WIF1: variants seen among roughly 807,000 people sequenced by gnomAD.
WIF1 encodes the protein Wnt inhibitory factor 1.
WIF1 carries 35 observed loss-of-function variants against 53.5 expected under a neutral mutation model. That is an observed-to-expected ratio of 0.65 (90% CI 0.50 to 0.87). The LOEUF (loss-of-function observed/expected upper bound fraction) is 0.87. Ranked by LOEUF, WIF1 falls within the 40% of genes least tolerant of loss-of-function variation. The pLI is 0.00. For synonymous variants in WIF1, 171 were observed against 170.4 expected (o/e 1.00, Z -0.03); for missense variants, 467 against 476.8 (o/e 0.98, Z 0.19).
At chr12:65,062,650 G>T in intron 6 of WIF1, 74 bp from the exon 7 acceptor site, 1 of 1,385,010 alleles carries the variant, frequency 7.2e-7, no homozygotes, top group East Asian at 2.5e-5. Flanking sequence ...TTAAAGTGAG[G>T]TGCTATTTTT....
intron 2 of WIF1, among the ~76,000 whole-genome samples, chr12:65,114,209 G>GA (rs904059661): frequency 5.2e-4 from 79 of 150,894 alleles, no homozygotes; most frequent in Admixed American, 1.1e-3. Context: ...GGGAGAAAGG[G>GA]AAAAAAAACC....
At chr12:65,057,575 A>G (rs1592386745) in intron 7 of WIF1, among the ~76,000 whole-genome samples, 2 of 140,778 alleles carry the variant, frequency 1.4e-5, no homozygotes, top group South Asian at 5.0e-4. Context: ...GAAGACAGCA[A>G]GTAGCCTGTA....
chr12:65,069,408 C>G (rs1197644341), intron 3 of WIF1, among the ~76,000 whole-genome samples: 2 of 152,086 alleles, frequency 1.3e-5, no homozygotes, highest in Non-Finnish European at 2.9e-5. Flanking sequence ...GAGCAATACC[C>G]CACTGGTTTA....
At chr12:65,113,734 T>C (rs967110110) in intron 2 of WIF1, among the ~76,000 whole-genome samples, 3 of 152,192 alleles carry the variant, frequency 2.0e-5, no homozygotes, top group Admixed American at 6.5e-5. Flanking sequence ...TGATCCCTAG[T>C]GGCATGTCTA....
At chr12:65,088,240 C>T (rs1883070577) in intron 2 of WIF1, among the ~76,000 whole-genome samples, 1 of 152,124 alleles carries the variant, frequency 6.6e-6, no homozygotes, top group Admixed American at 6.5e-5. Context: ...TCATAGTTTT[C>T]CCCCAGGTAT....
At chr12:65,112,645 T>C (rs1438023073) in intron 2 of WIF1, among the ~76,000 whole-genome samples, 3 of 152,206 alleles carry the variant, frequency 2.0e-5, no homozygotes, top group Non-Finnish European at 4.4e-5. Context: ...TGTTTCTATC[T>C]TCTACTTCTT....
chr12:65,113,650 A>G (rs1318890776), intron 2 of WIF1, among the ~76,000 whole-genome samples: 1 of 151,988 alleles, frequency 6.6e-6, no homozygotes, highest in South Asian at 2.1e-4. Flanking sequence ...GCTGTTTTCT[A>G]TCAGCAGATA....
At chr12:65,119,180 T>G (rs1421460605) in intron 2 of WIF1, among the ~76,000 whole-genome samples, 2 of 152,210 alleles carry the variant, frequency 1.3e-5, no homozygotes, top group African/African-American at 4.8e-5. Flanking sequence ...CTTAATTGTT[T>G]ATGAAGTATC....
chr12:65,104,713 T>A (rs920932193), intron 2 of WIF1, among the ~76,000 whole-genome samples: 3 of 152,168 alleles, frequency 2.0e-5, no homozygotes, highest in African/African-American at 7.2e-5. Context: ...CTACTCCTCC[T>A]CCTTCCACCC....
chr12:65,102,378 A>G (rs1296621522), intron 2 of WIF1, among the ~76,000 whole-genome samples: 1 of 152,162 alleles, frequency 6.6e-6, no homozygotes, highest in African/African-American at 2.4e-5. Flanking sequence ...ATGGCCCTTA[A>G]GAGCCAGTGT....
chr12:65,052,464 G>A (rs1044201325), intron 9 of WIF1, among the ~76,000 whole-genome samples: 2 of 152,046 alleles, frequency 1.3e-5, no homozygotes, highest in Admixed American at 6.6e-5. Flanking sequence ...GAGCCTATGC[G>A]GGGACTTCTG....
At chr12:65,120,997 G>C in intron 1 of WIF1, 47 bp downstream of exon 1, 1 of 1,402,480 alleles carries the variant, frequency 7.1e-7, no homozygotes, top group South Asian at 1.7e-5. Context: ...GAAGAGTGGA[G>C]AGAGGAGGAC....
chr12:65,055,820 AC>A (rs925180917), intron 8 of WIF1, among the ~76,000 whole-genome samples: 1 of 152,218 alleles, frequency 6.6e-6, no homozygotes, highest in African/African-American at 2.4e-5. Context: ...TGTAGTTAAA[AC>A]GTTCAGTTGC....
At chr12:65,059,474 A>AAAAAATTAAAAAT (rs1882578488) in intron 7 of WIF1, among the ~76,000 whole-genome samples, 1 of 152,180 alleles carries the variant, frequency 6.6e-6, no homozygotes, top group African/African-American at 2.4e-5. Flanking sequence ...GATTATAAAT[A>AAAAAATTAAAAAT]ATTTGGGTAG....
intron 4 of WIF1, 77 bp downstream of exon 4, chr12:65,068,679 GTGTGTGTA>G: frequency 2.2e-6 from 2 of 923,520 alleles, no homozygotes; most frequent in Non-Finnish European, 1.6e-6. Context: ...GTGTGTGTGT[GTGTGTGTA>G]TAGATATAAA....
intron 7 of WIF1, among the ~76,000 whole-genome samples, chr12:65,056,822 G>A (rs1882536877): frequency 6.6e-6 from 1 of 151,162 alleles, no homozygotes; most frequent in Non-Finnish European, 1.5e-5. Flanking sequence ...GCTAATTTTT[G>A]TATTTTTAGT....
intron 2 of WIF1, among the ~76,000 whole-genome samples, chr12:65,083,554 C>T (rs1344584027): frequency 6.6e-6 from 1 of 152,136 alleles, no homozygotes; most frequent in African/African-American, 2.4e-5. Context: ...TTTATATTGT[C>T]ATGAAGCTCA....
At chr12:65,064,865 G>T (rs1229401718) in intron 6 of WIF1, among the ~76,000 whole-genome samples, 1 of 152,058 alleles carries the variant, frequency 6.6e-6, no homozygotes, top group Non-Finnish European at 1.5e-5. Context: ...TACATAAGAA[G>T]GTCTCACAAA....
intron 7 of WIF1, among the ~76,000 whole-genome samples, chr12:65,061,635 C>T (rs772427362): frequency 2.0e-5 from 3 of 152,112 alleles, no homozygotes; most frequent in Non-Finnish European, 2.9e-5. Context: ...ATATTGATTC[C>T]GAAAACAATG....
Sources: gnomAD v4.1 joint callset for allele counts (sites outside exome capture counted in the v4.1 genomes callset) on GRCh38, gnomAD v4.1.1 for gene constraint, MANE v1.5 for transcripts, NCBI Gene and HGNC (gene_info 2026-07-23, HGNC 2026-07-21) for gene names.